The following WBP2NL variants were observed in gnomAD, a reference collection of about 807,000 sequenced individuals.
WBP2NL encodes WBP2 N-terminal like, also known as postacrosomal sheath WW domain-binding protein.
WBP2NL carries 27 observed loss-of-function variants against 23.3 expected under a neutral mutation model. That is an observed-to-expected ratio of 1.16 (90% CI 0.85 to 1.60). The LOEUF is 1.60. WBP2NL is among the 40% of genes most tolerant of loss of function. The pLI, the probability that WBP2NL is intolerant of heterozygous loss-of-function variation, is 0.00. For missense variants in WBP2NL, 370 were observed against 389.5 expected, an observed-to-expected ratio of 0.95 and a Z score of 0.42; for synonymous variants, 151 against 145.9, an observed-to-expected ratio of 1.03 and a Z score of -0.25.
rs1569455101 is a variant in WBP2NL, at chr22:42,049,695, C to CAAAAAAAA, written c.*274-8591_*274-8590insAAAAAAAA. Among the ~76,000 whole-genome samples the CAAAAAAAA allele has an allele frequency of 4.8e-4, 11 of 22,852 alleles. 1 individual carries two copies. The highest frequency in any genetic ancestry group is 1.3e-3 in the African/African-American group (6 of 4,566). 15.0% of individuals were successfully genotyped at this position (22,852 alleles called of 152,430 possible). On this transcript the variant is annotated intron_variant and NMD_transcript_variant, in intron 8 of 8. Coordinates refer to the WBP2NL transcript ENST00000436265. ...ACAGAGCGAGACTCCGTCTCCAAAA[C>CAAAAAAAA]AAAACAAAACAAAAAAAAAAAAAAA...
rs559950594 is a variant in WBP2NL, at chr22:42,002,315, G to A, written c.62+3435G>A. Among the ~76,000 whole-genome samples the A allele has an allele frequency of 2.0e-5, 3 of 152,272 alleles. 1 individual carries two copies. In the South Asian group the frequency reaches 6.2e-4, roughly 32 times the overall value. The stretch of plus-strand genomic sequence containing the variant: ...ACCACTTTACCAGCCAGGCGTGGTG[G>A]CTCACGCCTGTAATCCCAGCACTTT... On this transcript the variant is annotated intron_variant, in intron 1 of 5. Coordinates refer to ENST00000328823, the MANE Select transcript of WBP2NL (RefSeq NM_152613.3).
chr22:42,026,846 C>G lies in WBP2NL; in HGVS notation c.595C>G (p.Gln199Glu). Residue 199 changes from glutamine to glutamate, a missense_variant, in exon 6 of 6, where the codon CAA becomes GAA. Physicochemically the swap from Gln to Glu is conservative, Grantham distance 29. Transcript: ENST00000328823. ...YGAPPAGYGA[Q>E]PVGNEGPPVG... Reference sequence around the variant, plus strand: ...AGCCCCACCTGCAGGATATGGAGCCCAACCCGTAGGAAATGAAGGCCCGCC... The same window carrying G: ...AGCCCCACCTGCAGGATATGGAGCCGAACCCGTAGGAAATGAAGGCCCGCC... 6.2e-7 allele frequency: 1 copy of G among 1,612,844 alleles called. No individual in the cohort carries two copies. The highest frequency in any genetic ancestry group is 1.7e-4 in the Middle Eastern group (1 of 6,060).
In WBP2NL at chr22:42,000,986, C is replaced by G. The variant is rs1921598402; in HGVS notation, c.62+2106C>G. ...CCACCCTGGGCAATAGAGGGAGACT[C>G]CGTCTCAAAAAAAAAGAATGCTCAA... On this transcript the variant is annotated intron_variant, in intron 1 of 5. Coordinates refer to ENST00000328823, the MANE Select transcript of WBP2NL (RefSeq NM_152613.3). 6.2e-6 allele frequency: 3 copies of G among 487,128 alleles called. No homozygotes were observed. The South Asian group carries it at 7.5e-5, about 12-fold the overall frequency. The allele number at this position is 487,128 out of a possible 1,614,324, so 30.2% of individuals were successfully genotyped here. A position where few individuals can be genotyped will look rare whatever the true frequency, so the allele number is the denominator to read the frequency against.
chr22:42,047,745 C>G (rs1028082882), intron 8 of WBP2NL, among the ~76,000 whole-genome samples: 1 of 151,402 alleles, frequency 6.6e-6, no homozygotes. Context: ...CCTCAGCCTC[C>G]CCAGCAGCTG....
At chr22:42,031,209 G>T (rs1253266120), downstream of WBP2NL, 1 of 152,168 alleles carries the variant, frequency 6.6e-6, no homozygotes, top group Non-Finnish European at 1.5e-5. Flanking sequence ...CCACTGTCTG[G>T]TACAGTTGTT....
At chr22:42,054,414 C>A (rs1925956368) in intron 8 of WBP2NL, among the ~76,000 whole-genome samples, 1 of 151,146 alleles carries the variant, frequency 6.6e-6, no homozygotes, top group African/African-American at 2.4e-5. Flanking sequence ...TGGTCTCAAA[C>A]TCCTGACCTC....
At chr22:42,046,475 G>A (rs896529979) in intron 8 of WBP2NL, among the ~76,000 whole-genome samples, 1 of 152,128 alleles carries the variant, frequency 6.6e-6, no homozygotes, top group Admixed American at 6.5e-5. Flanking sequence ...TTCTAGGATT[G>A]TCTTTTATTC....
intron 4 of WBP2NL, among the ~76,000 whole-genome samples, chr22:42,020,852 A>ATGTG (rs59473793): frequency 3.5e-4 from 7 of 19,880 alleles, no homozygotes; most frequent in Non-Finnish European, 5.2e-4. Flanking sequence ...TATCTCATAT[A>ATGTG]TGTGTGTGTG....
At chr22:42,012,513 C>G (rs1476939551) in intron 1 of WBP2NL, among the ~76,000 whole-genome samples, 1 of 152,002 alleles carries the variant, frequency 6.6e-6, no homozygotes, top group East Asian at 1.9e-4. Flanking sequence ...TGGCAGTTTT[C>G]CTTGTGCTGT....
At chr22:42,025,399 A>C (rs746386760) in intron 5 of WBP2NL, among the ~76,000 whole-genome samples, 1 of 152,236 alleles carries the variant, frequency 6.6e-6, no homozygotes, top group African/African-American at 2.4e-5. Context: ...TATGTGGCCC[A>C]AGACAATTCT....
chr22:42,050,344 A>G (rs1925792356), intron 8 of WBP2NL, among the ~76,000 whole-genome samples: 1 of 151,392 alleles, frequency 6.6e-6, no homozygotes, highest in Admixed American at 6.6e-5. Context: ...AAAAAAACAA[A>G]AAACAAAAAA....
intron 5 of WBP2NL, among the ~76,000 whole-genome samples, chr22:42,024,252 T>C (rs1285995108): frequency 6.6e-6 from 1 of 152,262 alleles, no homozygotes; most frequent in African/African-American, 2.4e-5. Context: ...GATGGACATT[T>C]GTCTTGTTTC....
At chr22:42,056,728 ATAG>A (rs1038704441) in intron 8 of WBP2NL, among the ~76,000 whole-genome samples, 6 of 152,056 alleles carry the variant, frequency 3.9e-5, no homozygotes, top group Admixed American at 6.6e-5. Flanking sequence ...TTGTGGCTGC[ATAG>A]TAGGTGTATA....
chr22:42,014,556 C>G (rs1479959327), intron 1 of WBP2NL, among the ~76,000 whole-genome samples: 1 of 152,114 alleles, frequency 6.6e-6, no homozygotes, highest in African/African-American at 2.4e-5. Flanking sequence ...CTTTCTCTCT[C>G]TCCTCTCCTT....
At chr22:42,030,078 T>A (rs899267220), downstream of WBP2NL, 1 of 152,198 alleles carries the variant, frequency 6.6e-6, no homozygotes, top group Non-Finnish European at 1.5e-5. Flanking sequence ...TAAATATAAT[T>A]GAAAAAGACA....
At chr22:42,025,767 A>C (rs1039792459) in intron 5 of WBP2NL, among the ~76,000 whole-genome samples, 4 of 152,234 alleles carry the variant, frequency 2.6e-5, no homozygotes, top group African/African-American at 4.8e-5. Context: ...ACAGCTGTCC[A>C]TTCACTTTAT....
rs991060805 is a variant in WBP2NL, at chr22:42,019,275, C to A, written c.63-36C>A. On this transcript the variant is annotated intron_variant, in intron 1 of 5. Coordinates refer to ENST00000328823, the MANE Select transcript of WBP2NL (RefSeq NM_152613.3). ...TTATGTGTGTCATTTTACATACATT[C>A]TTTATTGTGTGCCGTCTGTTCCTCA... is the stretch of plus-strand genomic sequence containing the variant. 3.8e-6 allele frequency: 6 copies of A among 1,559,468 alleles called. No individual in the cohort carries two copies. The East Asian group carries it at 9.0e-5, about 23-fold the overall frequency.
chr22:41,998,912 A>G, intron 1 of WBP2NL, 32 bp downstream of exon 1: 1 of 1,594,854 alleles, frequency 6.3e-7, no homozygotes, highest in Non-Finnish European at 8.6e-7. Flanking sequence ...GTGCTGTCGG[A>G]GGAGAGGAGA....
chr22:42,039,313 TGATC>T (rs1925312093), intron 8 of WBP2NL, among the ~76,000 whole-genome samples: 1 of 151,300 alleles, frequency 6.6e-6, no homozygotes, highest in Non-Finnish European at 1.5e-5. Context: ...TGACCTCAGG[TGATC>T]CACTCGCCTT....
Sources: gnomAD v4.1 joint callset for allele counts (sites outside exome capture counted in the v4.1 genomes callset) on GRCh38, gnomAD v4.1.1 for gene constraint, MANE v1.5 for transcripts, NCBI Gene and HGNC (gene_info 2026-07-23, HGNC 2026-07-21) for gene names.